UBXN8: variants seen among roughly 807,000 people sequenced by gnomAD.
UBXN8 encodes UBX domain protein 8, also known as UBX domain-containing protein 8.
In UBXN8, 27 loss-of-function variants were observed where a neutral mutation model predicts 32.1. The observed-to-expected ratio is 0.84, with a 90% CI of 0.62 to 1.16. The LOEUF (loss-of-function observed/expected upper bound fraction) is 1.16. UBXN8 is among the 50% of genes most tolerant of loss of function. The pLI is 0.00. For synonymous variants in UBXN8, 109 were observed against 111.8 expected (o/e 0.98, Z 0.16); for missense variants, 306 against 311.4 (o/e 0.98, Z 0.13).
intron 6 of UBXN8, among the ~76,000 whole-genome samples, chr8:30,762,600 C>T (rs1322197569): frequency 6.6e-6 from 1 of 151,792 alleles, no homozygotes; most frequent in Non-Finnish European, 1.5e-5. Context: ...ACCGTGTTGG[C>T]CAGGCTGGTC....
chr8:30,733,796 A>G (rs138323713), intron 1 of UBXN8: 2,033 of 152,306 alleles, frequency 0.013, 15 homozygotes, highest in Non-Finnish European at 0.019. Flanking sequence ...ACAGGTGTGC[A>G]TGTGCCCAGC....
chr8:30,764,633 A>G (rs752503451), intron 7 of UBXN8, among the ~76,000 whole-genome samples: 22 of 152,368 alleles, frequency 1.4e-4, no homozygotes, highest in Non-Finnish European at 2.9e-4. Flanking sequence ...TTGGCCTCAC[A>G]TAGAATCAAT....
intron 4 of UBXN8, among the ~76,000 whole-genome samples, chr8:30,755,289 G>T: frequency 6.6e-6 from 1 of 152,096 alleles, no homozygotes; most frequent in East Asian, 1.9e-4. Flanking sequence ...TCTCTCTCTT[G>T]CCCTGGCTGG....
intron 6 of UBXN8, among the ~76,000 whole-genome samples, chr8:30,762,118 T>C (rs550389690): frequency 6.6e-6 from 1 of 150,440 alleles, no homozygotes; most frequent in Non-Finnish European, 1.5e-5. Context: ...GGCTGGAGTG[T>C]CTTGGCACGA....
At chr8:30,765,530 T>A (rs972130223) in intron 7 of UBXN8, among the ~76,000 whole-genome samples, 5 of 57,164 alleles carry the variant, frequency 8.7e-5, no homozygotes, top group Admixed American at 1.7e-4. Flanking sequence ...GGAAAAAAAA[T>A]TTTATATATA....
At chr8:30,763,182 A>T (rs1463161461) in intron 6 of UBXN8, 91 bp from the exon 7 acceptor site, 1 of 1,251,078 alleles carries the variant, frequency 8.0e-7, no homozygotes, top group Non-Finnish European at 1.2e-6. Context: ...GCAGTATCTA[A>T]GTCCTTTTTA....
intron 1 of UBXN8, chr8:30,744,577 G>C (rs182575601): frequency 6.2e-6 from 3 of 480,770 alleles, no homozygotes; most frequent in East Asian, 6.1e-5. Flanking sequence ...TAAGATGAAG[G>C]TCTTGTGAGA....
At chr8:30,738,419 G>A (rs547220694) in intron 1 of UBXN8, among the ~76,000 whole-genome samples, 4 of 152,012 alleles carry the variant, frequency 2.6e-5, no homozygotes, top group Non-Finnish European at 5.9e-5. Flanking sequence ...CCAGCACTCG[G>A]GAGGCCGAGG....
upstream of UBXN8, among the ~76,000 whole-genome samples, chr8:30,743,158 CTTTTT>C (rs71206286): frequency 3.7e-5 from 5 of 136,758 alleles, no homozygotes; most frequent in Admixed American, 7.4e-5. Context: ...TTCTTTCTTT[CTTTTT>C]TTTTTTTTTT....
At position 30,753,066 on chromosome 8, in the gene UBXN8, A is replaced by C. The variant is rs1438889451; in HGVS notation, c.243A>C (p.Lys81Asn). The C allele has an allele frequency of 6.5e-7, 1 of 1,531,348 alleles. No individual in the cohort carries two copies. Among genetic ancestry groups the C allele is most frequent in the Non-Finnish European group, 8.8e-7 (1 of 1,140,172 alleles). The allele number at this position is 1,531,348 out of a possible 1,614,324, so 94.9% of individuals were successfully genotyped here. ...EEEEKNEKRQ[K>N]LVRKKQQEAQ... ...AAGAAAAGAATGAGAAAAGACAAAA[A>C]CTTGTGAGAAAAAAACAACAAGAAG... Residue 81 changes from lysine (K) to asparagine (N), a missense_variant, in exon 3 of 8, where the codon AAA (lysine) becomes AAC (asparagine). Lys to Asn is a moderately conservative substitution (Grantham distance 94). Transcript: ENST00000265616.
At position 30,746,515 on chromosome 8, in the gene UBXN8, AT is replaced by A. The variant is rs58215831; in HGVS notation, c.88+2248del. Among the ~76,000 whole-genome samples the A allele has an allele frequency of 3.3e-3, 398 of 121,440 alleles. 29 individuals carry two copies. The highest frequency in any genetic ancestry group is 8.2e-3 in the Middle Eastern group (2 of 244). The allele number at this position is 121,440 out of a possible 152,430, so 79.7% of individuals were successfully genotyped here. A position where few individuals can be genotyped will look rare whatever the true frequency, so the allele number is the denominator to read the frequency against. On this transcript the variant is annotated intron_variant, in intron 1 of 7. Coordinates refer to ENST00000265616, the MANE Select transcript of UBXN8 (RefSeq NM_005671.4). The stretch of plus-strand genomic sequence containing the variant: ...TACATTTTACTTGTACTTAAGCTAG[AT>A]TTTTTTTTTCTTTTTTTTTTTTTTG...
intron 7 of UBXN8, among the ~76,000 whole-genome samples, chr8:30,764,340 T>G (rs1334602872): frequency 6.6e-6 from 1 of 152,164 alleles, no homozygotes; most frequent in Non-Finnish European, 1.5e-5. Flanking sequence ...CTGGCTAATT[T>G]TTTATTTTTA....
intron 2 of UBXN8, 106 bp from the exon 3 acceptor site, chr8:30,752,929 C>T (rs1805552275): frequency 3.1e-6 from 4 of 1,301,738 alleles, no homozygotes; most frequent in Non-Finnish European, 4.1e-6. Context: ...GTCTCCCCAT[C>T]ATAGACTTTA....
At chr8:30,756,716 A>G in intron 4 of UBXN8, 49 bp from the exon 5 acceptor site, 1 of 1,609,390 alleles carries the variant, frequency 6.2e-7, no homozygotes. Context: ...GAATAGAATA[A>G]AGTTGATAGA....
upstream of UBXN8, among the ~76,000 whole-genome samples, chr8:30,731,953 C>G (rs1039931557): frequency 6.6e-6 from 1 of 152,174 alleles, no homozygotes; most frequent in Non-Finnish European, 1.5e-5. Flanking sequence ...GACTTTACAT[C>G]CAACAGTACC....
upstream of UBXN8, among the ~76,000 whole-genome samples, chr8:30,731,769 G>T (rs1191211298): frequency 6.6e-6 from 1 of 152,164 alleles, no homozygotes; most frequent in African/African-American, 2.4e-5. Flanking sequence ...AACAGTACCT[G>T]GTCCCCAGAG....
rs1805295952 is a variant in UBXN8 at position 30,744,222 on chromosome 8, C to T, written c.33C>T (p.Phe11=). 1.2e-6 allele frequency: 2 copies of T among 1,613,838 alleles called. No individual in the cohort carries two copies. The highest frequency in any genetic ancestry group is 1.3e-5 in the African/African-American group (1 of 75,076). Residue 11 remains phenylalanine, a synonymous_variant, in exon 1 of 8, where the codon TTC becomes TTT. Coordinates refer to ENST00000265616, the MANE Select transcript of UBXN8 (RefSeq NM_005671.4). Reference sequence around the variant, plus strand: ...CACGTGGGGTTGTTGGCATTTTCTTCCTCTCTGCTGTCCCCCTTGTGTGTC... The same window carrying T: ...CACGTGGGGTTGTTGGCATTTTCTTTCTCTCTGCTGTCCCCCTTGTGTGTC... MASRGVVGIF[F]LSAVPLVCLE... is the part of the protein sequence containing the mutation.
At chr8:30,737,085 A>C (rs1423893100) in intron 1 of UBXN8, among the ~76,000 whole-genome samples, 2 of 152,232 alleles carry the variant, frequency 1.3e-5, no homozygotes, top group Non-Finnish European at 2.9e-5. Flanking sequence ...ATTTAGAAAA[A>C]TAAGAAAAAA....
chr8:30,753,343 A>G (rs1204530592), intron 3 of UBXN8, among the ~76,000 whole-genome samples: 2 of 151,998 alleles, frequency 1.3e-5, no homozygotes, highest in Non-Finnish European at 2.9e-5. Flanking sequence ...TGCAATCTCC[A>G]CCTCCCAGGT....
Sources: allele counts gnomAD v4.1 joint callset (sites outside exome capture counted in the v4.1 genomes callset), GRCh38; gene constraint gnomAD v4.1.1; transcripts MANE v1.5; gene names NCBI Gene and HGNC (gene_info 2026-07-23, HGNC 2026-07-21).